Variants in MAML2 observed in about 807,000 individuals in gnomAD.
MAML2 encodes the protein mastermind-like protein 2.
A neutral mutation model predicts 96.1 loss-of-function variants in MAML2; 22 were observed. That is an observed-to-expected ratio of 0.23 (90% CI 0.16 to 0.33). The LOEUF (loss-of-function observed/expected upper bound fraction) is 0.33, where lower values mean the gene tolerates loss of function less well. MAML2 is among the 10% of genes least tolerant of loss of function. The pLI, the probability that MAML2 is intolerant of heterozygous loss-of-function variation, is 1.00. For missense variants in MAML2, 1,367 were observed against 1,392.4 expected, an observed-to-expected ratio of 0.98 and a Z score of 0.29; for synonymous variants, 561 against 521.3, an observed-to-expected ratio of 1.08 and a Z score of -1.04.
At chr11:96,162,747 G>C (rs1297359978) in intron 1 of MAML2, among the ~76,000 whole-genome samples, 2 of 148,492 alleles carry the variant, frequency 1.3e-5, no homozygotes, top group Admixed American at 1.3e-4. Context: ...TTAATAAAAA[G>C]ATAAAGTCCC....
intron 1 of MAML2, among the ~76,000 whole-genome samples, chr11:96,141,921 C>G (rs1344170072): frequency 7.9e-5 from 12 of 152,146 alleles, no homozygotes. Flanking sequence ...CAATCTGAGG[C>G]AGGATGAGAG....
intron 1 of MAML2, among the ~76,000 whole-genome samples, chr11:96,119,877 T>C (rs184770136): frequency 1.1e-4 from 16 of 152,306 alleles, no homozygotes; most frequent in South Asian, 2.1e-4. Context: ...TGAGAGGGCA[T>C]AGGCCCTAAA....
At chr11:96,230,354 C>T (rs574985408) in intron 1 of MAML2, among the ~76,000 whole-genome samples, 104 of 152,122 alleles carry the variant, frequency 6.8e-4, no homozygotes, top group Admixed American at 1.4e-3. Context: ...ATTTGTACAT[C>T]TTGATTCTCA....
intron 1 of MAML2, among the ~76,000 whole-genome samples, chr11:96,330,243 T>G (rs532243072): frequency 6.6e-6 from 1 of 152,274 alleles, no homozygotes; most frequent in East Asian, 1.9e-4. Context: ...AAGAGGGAAT[T>G]TGTATGAATT....
intron 1 of MAML2, among the ~76,000 whole-genome samples, chr11:96,122,410 G>A (rs1860363920): frequency 6.6e-6 from 1 of 151,920 alleles, no homozygotes; most frequent in Non-Finnish European, 1.5e-5. Flanking sequence ...TGGGTTCTGT[G>A]GAGCAGTCAT....
intron 2 of MAML2, among the ~76,000 whole-genome samples, chr11:96,047,113 T>C (rs980566069): frequency 6.6e-6 from 1 of 152,202 alleles, no homozygotes; most frequent in Non-Finnish European, 1.5e-5. Context: ...CTTGTGTTGT[T>C]CCTGGCCACT....
At chr11:96,196,718 G>A (rs1861737485) in intron 1 of MAML2, among the ~76,000 whole-genome samples, 1 of 152,142 alleles carries the variant, frequency 6.6e-6, no homozygotes, top group South Asian at 2.1e-4. Context: ...GTAATGTCTA[G>A]GGTAAATAAG....
chr11:96,312,825 A>G (rs1863563142), intron 1 of MAML2, among the ~76,000 whole-genome samples: 1 of 152,226 alleles, frequency 6.6e-6, no homozygotes, highest in Admixed American at 6.5e-5. Context: ...TTAGTTTCTT[A>G]TCAGGAACTA....
chr11:96,041,510 AG>A (rs1416407781), intron 2 of MAML2, among the ~76,000 whole-genome samples: 1 of 103,830 alleles, frequency 9.6e-6, no homozygotes, highest in South Asian at 3.8e-4. Context: ...AAGGAAAGGA[AG>A]GAAGGGAAGG....
chr11:96,030,120 AG>A (rs1275877845), intron 2 of MAML2, among the ~76,000 whole-genome samples: 1 of 151,922 alleles, frequency 6.6e-6, no homozygotes, highest in Non-Finnish European at 1.5e-5. Flanking sequence ...GTAATCCCTC[AG>A]CCTACTCGGG....
At chr11:96,091,158 A>AGAG (rs1374127215) in intron 2 of MAML2, among the ~76,000 whole-genome samples, 7 of 152,214 alleles carry the variant, frequency 4.6e-5, no homozygotes. Context: ...AGGTTACCAG[A>AGAG]GATTTTTTTT....
intron 2 of MAML2, among the ~76,000 whole-genome samples, chr11:96,016,696 C>T (rs1291177577): frequency 1.3e-5 from 2 of 152,194 alleles, no homozygotes; most frequent in African/African-American, 2.4e-5. Flanking sequence ...ATGCAGATTG[C>T]CCTTCTCATC....
At chr11:96,196,505 T>C (rs188191693) in intron 1 of MAML2, among the ~76,000 whole-genome samples, 26 of 152,300 alleles carry the variant, frequency 1.7e-4, no homozygotes, top group African/African-American at 2.4e-4. Context: ...GGATTGACCA[T>C]TGAAGTCAAT....
At chr11:96,287,343 T>C (rs921481287) in intron 1 of MAML2, among the ~76,000 whole-genome samples, 1 of 152,220 alleles carries the variant, frequency 6.6e-6, no homozygotes, top group Non-Finnish European at 1.5e-5. Flanking sequence ...GGGAAATTCA[T>C]CTGACAAAAC....
At chr11:96,187,558 C>CA (rs1861592362) in intron 1 of MAML2, among the ~76,000 whole-genome samples, 2 of 152,238 alleles carry the variant, frequency 1.3e-5, no homozygotes, top group African/African-American at 4.8e-5. Context: ...CCTGTAATGC[C>CA]AGCACTTTGG....
chr11:96,163,221 G>A (rs1434410494), intron 1 of MAML2, among the ~76,000 whole-genome samples: 1 of 152,102 alleles, frequency 6.6e-6, no homozygotes, highest in Non-Finnish European at 1.5e-5. Context: ...GAAAAAGTTG[G>A]CAGTTGCCAG....
intron 1 of MAML2, among the ~76,000 whole-genome samples, chr11:96,243,836 G>A (rs149877684): frequency 0.016 from 2,481 of 152,080 alleles, 66 homozygotes; most frequent in African/African-American, 0.057. Flanking sequence ...TGTATTTTTA[G>A]TAGAGAAAGG....
chr11:96,303,366 T>A (rs1863416029), intron 1 of MAML2, among the ~76,000 whole-genome samples: 1 of 152,242 alleles, frequency 6.6e-6, no homozygotes, highest in Admixed American at 6.5e-5. Flanking sequence ...GTACAACTGA[T>A]GTGCTGTTTC....
chr11:96,054,636 G>A (rs1034279840), intron 2 of MAML2, among the ~76,000 whole-genome samples: 1 of 152,112 alleles, frequency 6.6e-6, no homozygotes, highest in African/African-American at 2.4e-5. Flanking sequence ...CTTACATATG[G>A]TTTTAATTTG....
Sources: gnomAD v4.1 joint callset for allele counts (sites outside exome capture counted in the v4.1 genomes callset) on GRCh38, gnomAD v4.1.1 for gene constraint, MANE v1.5 for transcripts, NCBI Gene and HGNC (gene_info 2026-07-23, HGNC 2026-07-21) for gene names.